SOX8: variants seen among roughly 807,000 people sequenced by gnomAD.
SOX8 encodes SRY-box transcription factor 8.
In SOX8, 9 loss-of-function variants were observed where a neutral mutation model predicts 22.9. That is an observed-to-expected ratio of 0.39 (90% CI 0.24 to 0.69). SOX8 has a LOEUF of 0.69. SOX8 is among the 30% of genes least tolerant of loss of function. The pLI, the probability that SOX8 is intolerant of heterozygous loss-of-function variation, is 0.43. For synonymous variants in SOX8, 416 were observed against 330.6 expected (o/e 1.26, Z -2.80); for missense variants, 734 against 699.4 (o/e 1.05, Z -0.56).
chr16:983,468 A>C (rs1045926809), intron 1 of SOX8: 4 of 368,262 alleles, frequency 1.1e-5, no homozygotes, highest in Non-Finnish European at 1.9e-5. Context: ...GGGAAATAGA[A>C]GGAGGAAGAT....
Position 981,991 on chromosome 16 carries a change from G to T in SOX8, c.69G>T (p.Ser23=). The T allele has an allele frequency of 6.9e-7, 1 of 1,444,834 alleles. No individual in the cohort carries two copies. Among genetic ancestry groups the T allele is most frequent in the Non-Finnish European group, 9.1e-7 (1 of 1,098,738 alleles). The allele number at this position is 1,444,834 out of a possible 1,614,324, so 89.5% of individuals were successfully genotyped here. ...CSPSGTASSM[S]HVEDSDSDAP... ...CGTCCGGCACCGCCAGCTCCATGTC[G>T]CACGTGGAGGACTCGGACTCGGACG... Residue 23 remains serine (S), a synonymous_variant, in exon 1 of 3, where the codon TCG becomes TCT. Coordinates refer to ENST00000293894, the MANE Select transcript of SOX8 (RefSeq NM_014587.5).
chr16:981,899 C>A lies in SOX8; in HGVS notation c.-24C>A. On this transcript the variant is annotated 5_prime_UTR_variant, in exon 1 of 3. Transcript: ENST00000293894. ...CCGGCCCCGGTGCGCGTCTCCTGTGCGCGCCCCTCCGCGCGCGGCCCCGAT... is the reference window on the plus strand; with the variant it reads ...CCGGCCCCGGTGCGCGTCTCCTGTGAGCGCCCCTCCGCGCGCGGCCCCGAT... 1 of 1,204,796 alleles carries A rather than the reference C, an allele frequency of 8.3e-7. No individual in the cohort carries two copies. Among genetic ancestry groups the A allele is most frequent in the South Asian group, 3.0e-5 (1 of 33,072 alleles). 74.6% of individuals were successfully genotyped at this position (1,204,796 alleles called of 1,614,324 possible).
rs1301525449 is a variant in SOX8 at position 981,868 on chromosome 16, C to T, written c.-55C>T. The stretch of plus-strand genomic sequence containing the variant: ...TCCCGGAGCGACCGCAGGGCAGCCC[C>T]GGGCGCCGGCCCCGGTGCGCGTCTC... On this transcript the variant is annotated 5_prime_UTR_variant, in exon 1 of 3. Transcript: ENST00000293894. The T allele has an allele frequency of 1.5e-5, 17 of 1,100,060 alleles. No individual in the cohort carries two copies. The highest frequency in any genetic ancestry group is 3.3e-6 in the Non-Finnish European group (3 of 898,212). The allele number at this position is 1,100,060 out of a possible 1,614,324, so 68.1% of individuals were successfully genotyped here. A position where few individuals can be genotyped will look rare whatever the true frequency, so the allele number is the denominator to read the frequency against.
rs766436826 is a variant in SOX8 at position 984,791 on chromosome 16, G to A, written c.746G>A (p.Arg249His). Residue 249 changes from arginine to histidine, a missense_variant, in exon 3 of 3, where the codon CGC (arginine) becomes CAC (histidine). By Grantham distance (29) the Arg-to-His change is conservative. This residue lies in a region of SOX8 where 588 missense variants were observed against 568.2 expected (regional missense o/e 1.03). Coordinates refer to ENST00000293894, the MANE Select transcript of SOX8 (RefSeq NM_014587.5). ...GAKPELKLEG[R>H]RPVDSGRQNI... ...AAGCCGGAGCTGAAGCTGGAGGGAC[G>A]CCGGCCGGTGGACAGCGGGCGCCAG... 26 of 1,602,232 alleles carry A rather than the reference G, an allele frequency of 1.6e-5. 1 individual carries two copies. The highest frequency in any genetic ancestry group is 5.4e-5 in the African/African-American group (4 of 74,410).
At chr16:984,236 G>A (rs914884454) in intron 2 of SOX8, among the ~76,000 whole-genome samples, 3 of 152,218 alleles carry the variant, frequency 2.0e-5, no homozygotes, top group Non-Finnish European at 4.4e-5. Flanking sequence ...AGTCCAATGC[G>A]GGCTCCTCTT....
intron 1 of SOX8, 25 bp downstream of exon 1, chr16:982,369 G>C (rs2151519784): frequency 7.5e-7 from 1 of 1,330,106 alleles, no homozygotes; most frequent in Non-Finnish European, 9.6e-7. Flanking sequence ...CCCGGGGGCG[G>C]GGTTCGGGAC....
At chr16:984,239 C>G (rs560326131) in intron 2 of SOX8, among the ~76,000 whole-genome samples, 2 of 152,346 alleles carry the variant, frequency 1.3e-5, no homozygotes, top group African/African-American at 4.8e-5. Flanking sequence ...CCAATGCGGG[C>G]TCCTCTTCCC....
rs1357304764 is a variant in SOX8 at position 983,884 on chromosome 16, A to G, written c.579A>G (p.Gly193=). Residue 193 remains glycine, a synonymous_variant, in exon 2 of 3, where the codon GGA becomes GGG. Coordinates refer to ENST00000293894, the MANE Select transcript of SOX8 (RefSeq NM_014587.5). ...HSDSDSGAEL[G]PHPGGGAVYK... is the part of the protein sequence containing the mutation. ...ACTCCGACTCGGGCGCGGAGCTGGG[A>G]CCCCACCCTGGCGGCGGTGCCGTGT... 6.2e-7 allele frequency: 1 copy of G among 1,610,024 alleles called. No homozygotes were observed. The highest frequency in any genetic ancestry group is 8.5e-7 in the Non-Finnish European group (1 of 1,178,444).
In SOX8 at chr16:985,450, G is replaced by A; in HGVS notation, c.*64G>A. The A allele has an allele frequency of 1.5e-6, 2 of 1,376,004 alleles. No homozygotes were observed. The highest frequency in any genetic ancestry group is 1.9e-6 in the Non-Finnish European group (2 of 1,035,060). 85.2% of individuals were successfully genotyped at this position (1,376,004 alleles called of 1,614,324 possible). A position where few individuals can be genotyped will look rare whatever the true frequency, so the allele number is the denominator to read the frequency against. The stretch of plus-strand genomic sequence containing the variant: ...GCAGCCTTGTCCCGGCCCAGTGTGT[G>A]TGACCAGGGCGGGAGGGGCCCCAGT... On this transcript the variant is annotated 3_prime_UTR_variant, in exon 3 of 3. Coordinates refer to ENST00000293894, the MANE Select transcript of SOX8 (RefSeq NM_014587.5).
chr16:985,176 C>T lies in SOX8; in HGVS notation c.1131C>T (p.Ala377=), dbSNP rs768487979. The change falls in exon 3 of 3, where the codon GCC becomes GCT. Residue 377 remains alanine (A), a synonymous_variant. Transcript: ENST00000293894. ...CGGCCGCCCCCGCCGGCCCCTTCGC[C>T]GGCTCACAGGGCGACTATGGCGACC... ...ATPAAPAGPF[A]GSQGDYGDLQ... is the part of the protein sequence containing the mutation. The T allele has an allele frequency of 3.4e-5, 55 of 1,609,942 alleles. No individual in the cohort carries two copies. Among genetic ancestry groups the T allele is most frequent in the African/African-American group, 2.3e-4 (17 of 74,854 alleles).
rs772135509 is a variant in SOX8, at chr16:983,978, C to T, written c.655+18C>T. 1.6e-5 allele frequency: 24 copies of T among 1,483,186 alleles called. No homozygotes were observed. In the Admixed American group the frequency reaches 2.7e-4, roughly 17 times the overall value. 91.9% of individuals were successfully genotyped at this position (1,483,186 alleles called of 1,614,324 possible). ...CCACACAGGTGGGCTCCAGGCCCCCCGCATATCTGAGGGTCCCTGTATGGG... is the reference window on the plus strand; with the variant it reads ...CCACACAGGTGGGCTCCAGGCCCCCTGCATATCTGAGGGTCCCTGTATGGG... On this transcript the variant is annotated intron_variant, in intron 2 of 2. Transcript: ENST00000293894.
In SOX8 at chr16:981,890, T is replaced by A; in HGVS notation, c.-33T>A. 1.7e-6 allele frequency: 2 copies of A among 1,168,990 alleles called. No individual in the cohort carries two copies. The highest frequency in any genetic ancestry group is 2.1e-6 in the Non-Finnish European group (2 of 948,828). 72.4% of individuals were successfully genotyped at this position (1,168,990 alleles called of 1,614,324 possible). On this transcript the variant is annotated 5_prime_UTR_variant, in exon 1 of 3. Transcript: ENST00000293894. ...CCCCGGGCGCCGGCCCCGGTGCGCG[T>A]CTCCTGTGCGCGCCCCTCCGCGCGC...
At position 985,375 on chromosome 16, in the gene SOX8, A is replaced by T; in HGVS notation, c.1330A>T (p.Thr444Ser). The T allele has an allele frequency of 6.4e-7, 1 of 1,559,732 alleles. No individual in the cohort carries two copies. Among genetic ancestry groups the T allele is most frequent in the Non-Finnish European group, 8.6e-7 (1 of 1,157,932 alleles). Reference protein sequence around the residue: ...HWDQPVYTTLTRP With the variant: ...HWDQPVYTTLSRP ...GGACCAGCCGGTGTACACCACCCTG[A>T]CCAGGCCCTGAGGGCCCAGCCGCGG... Residue 444 changes from threonine to serine, a missense_variant, in exon 3 of 3, where the codon ACC (threonine) becomes TCC (serine). Physicochemically the swap from Thr to Ser is moderately conservative, Grantham distance 58. Around this residue, in one of 3 missense-constraint regions of SOX8, gnomAD observed 588 missense variants for 568.2 expected, o/e 1.03. Coordinates refer to ENST00000293894, the MANE Select transcript of SOX8 (RefSeq NM_014587.5).
chr16:983,759 G>A lies in SOX8; in HGVS notation c.454G>A (p.Val152Met), dbSNP rs769539375. Reference protein sequence around the residue: ...LLSESEKRPFVEEAERLRVQH... With the variant: ...LLSESEKRPFMEEAERLRVQH... ...GAGCGAGAGCGAGAAGCGGCCCTTC[G>A]TGGAGGAGGCAGAGCGCCTTCGCGT... Residue 152 changes from valine (V) to methionine (M), a missense_variant, in exon 2 of 3, where the codon GTG (valine) becomes ATG (methionine). Around this residue, in one of 3 missense-constraint regions of SOX8, gnomAD observed 588 missense variants for 568.2 expected, o/e 1.03. Transcript: ENST00000293894. 4 of 1,612,518 alleles carry A rather than the reference G, an allele frequency of 2.5e-6. No individual in the cohort carries two copies. The highest frequency in any genetic ancestry group is 2.2e-5 in the East Asian group (1 of 44,872).
In SOX8 at chr16:982,273, C is replaced by T. The variant is rs371000820; in HGVS notation, c.351C>T (p.Arg117=). Residue 117 remains arginine, a synonymous_variant, in exon 1 of 3, where the codon CGC becomes CGT. Transcript: ENST00000293894. ...NAFMVWAQAA[R]RKLADQYPHL... is the part of the protein sequence containing the mutation. ...TCATGGTGTGGGCGCAGGCGGCGCGCCGCAAGCTGGCCGACCAGTACCCGC... is the reference window on the plus strand; with the variant it reads ...TCATGGTGTGGGCGCAGGCGGCGCGTCGCAAGCTGGCCGACCAGTACCCGC... 2.7e-4 allele frequency: 413 copies of T among 1,524,526 alleles called. 2 individuals are homozygous for T. The highest frequency in any genetic ancestry group is 3.6e-4 in the Non-Finnish European group (404 of 1,137,556). 94.4% of individuals were successfully genotyped at this position (1,524,526 alleles called of 1,614,324 possible).
intron 1 of SOX8, chr16:982,674 C>T (rs1327774009): frequency 2.3e-5 from 6 of 263,324 alleles, no homozygotes; most frequent in African/African-American, 8.8e-5. Context: ...GCCCTCCAGC[C>T]GTTGCGAGTG....
chr16:983,602 C>G (rs1364400945), intron 1 of SOX8, 126 bp from the exon 2 acceptor site: 15 of 802,298 alleles, frequency 1.9e-5, no homozygotes, highest in Non-Finnish European at 9.6e-6. Flanking sequence ...GAGCGCACGG[C>G]AGGCGGGTTT....
chr16:983,705 C>T lies in SOX8; in HGVS notation c.423-23C>T. 3 of 1,604,098 alleles carry T rather than the reference C, an allele frequency of 1.9e-6. No homozygotes were observed. In the South Asian group the frequency reaches 3.3e-5, roughly 18 times the overall value. ...GGGCACAGTGGGCGCCCTGGCCATC[C>T]CTGCCTCTGCCCTGTGCTGCAGCTT... On this transcript the variant is annotated intron_variant, in intron 1 of 2. Transcript: ENST00000293894.
chr16:985,014 G>A lies in SOX8; in HGVS notation c.969G>A (p.Ser323=), dbSNP rs1427355800. 9.1e-6 allele frequency: 14 copies of A among 1,534,694 alleles called. No individual in the cohort carries two copies. Among genetic ancestry groups the A allele is most frequent in the East Asian group, 2.4e-5 (1 of 41,456 alleles). Residue 323 remains serine, a synonymous_variant, in exon 3 of 3, where the codon TCG becomes TCA. Transcript: ENST00000293894. ...TGTGGGCCCACAAGAGTGCCCCGTC[G>A]GCCTCCGCGTCGCCCACCGAGACGG... ...SPVWAHKSAP[S]ASASPTETGP...
Sources: allele counts gnomAD v4.1 joint callset (sites outside exome capture counted in the v4.1 genomes callset), GRCh38; gene constraint gnomAD v4.1.1; regional missense constraint gnomAD v4.1.1; transcripts MANE v1.5; gene names NCBI Gene and HGNC (gene_info 2026-07-23, HGNC 2026-07-21).